Variants in DNAH5 observed in about 807,000 individuals in gnomAD.
DNAH5 encodes axonemal beta dynein heavy chain 5.
In DNAH5, 372 loss-of-function variants were observed where a neutral mutation model predicts 518.2. The ratio of observed to expected loss-of-function variants is 0.72; its 90% CI spans 0.66 to 0.78. The LOEUF (loss-of-function observed/expected upper bound fraction) is 0.78. DNAH5 is among the 30% of genes least tolerant of loss of function. The pLI, the probability that DNAH5 is intolerant of heterozygous loss-of-function variation, is 0.00. For synonymous variants in DNAH5, 2,039 were observed against 2,025.9 expected, an observed-to-expected ratio of 1.01 and a Z score of -0.17; for missense variants, 5,523 against 5,687.0, an observed-to-expected ratio of 0.97 and a Z score of 0.93.
chr5:13,776,539 C>CA lies in DNAH5; in HGVS notation c.9272dup (p.Glu3093GlyfsTer20), dbSNP rs1754111448. 1 of 1,613,804 alleles carries CA rather than the reference C, an allele frequency of 6.2e-7. No homozygotes were observed. The highest frequency in any genetic ancestry group is 8.5e-7 in the Non-Finnish European group (1 of 1,179,864). On this transcript the variant is annotated frameshift_variant, in exon 55 of 79. Coordinates refer to ENST00000265104, the MANE Select transcript of DNAH5 (RefSeq NM_001369.3). LOFTEE classifies it high-confidence loss of function. Reference sequence around the variant, plus strand: ...AAGCTCTGTTTCGAAATTTCTCCCCCACTGGCGAGAAGCAGAGCACAATAT... The same window carrying CA: ...AAGCTCTGTTTCGAAATTTCTCCCCCAACTGGCGAGAAGCAGAGCACAATAT...
intron 21 of DNAH5, 99 bp from the exon 22 acceptor site, chr5:13,876,916 G>A (rs751405364): frequency 7.5e-6 from 9 of 1,204,884 alleles, no homozygotes; most frequent in Non-Finnish European, 1.1e-5. Flanking sequence ...AAGGACTTCT[G>A]AAAATCTTCT....
In DNAH5 at chr5:13,811,722, T is replaced by G; in HGVS notation, c.7332A>C (p.Glu2444Asp). The change falls in exon 44 of 79, where the codon GAA becomes GAC. Residue 2444 changes from glutamate to aspartate, a missense_variant. Coordinates refer to ENST00000265104, the MANE Select transcript of DNAH5 (RefSeq NM_001369.3). ...AGGCCTCCAGCACCTCCATCTTGTA[T>G]TCTAAGTTCTGGATACAGAAGCGAT... ...DLYRFCIQNLEYKMEVLEAFV... is the reference protein window; with the variant it reads ...DLYRFCIQNLDYKMEVLEAFV... 1 of 1,614,174 alleles carries G rather than the reference T, an allele frequency of 6.2e-7. No individual in the cohort carries two copies. The highest frequency in any genetic ancestry group is 1.1e-5 in the South Asian group (1 of 91,082).
At chr5:13,715,202 C>A (rs929043486) in intron 74 of DNAH5, among the ~76,000 whole-genome samples, 1 of 152,016 alleles carries the variant, frequency 6.6e-6, no homozygotes, top group Non-Finnish European at 1.5e-5. Context: ...GATCCCCCAA[C>A]GGTTTGAAAA....
Position 13,691,957 on chromosome 5 carries a change from G to A in DNAH5, c.*27C>T. The A allele has an allele frequency of 6.2e-7, 1 of 1,613,852 alleles. No homozygotes were observed. Among genetic ancestry groups the A allele is most frequent in the Non-Finnish European group, 8.5e-7 (1 of 1,179,786 alleles). ...TAATTTAGATCTTGCATTTTCCAAAGCATTGGGTGGGGACACTCCCCACAT... is the reference window on the plus strand; with the variant it reads ...TAATTTAGATCTTGCATTTTCCAAAACATTGGGTGGGGACACTCCCCACAT... On this transcript the variant is annotated 3_prime_UTR_variant, in exon 79 of 79. Transcript: ENST00000265104.
At chr5:13,949,818 C>T (rs182773635) in intron 1 of DNAH5, among the ~76,000 whole-genome samples, 10 of 152,334 alleles carry the variant, frequency 6.6e-5, no homozygotes, top group African/African-American at 1.4e-4. Flanking sequence ...GGTAACACTT[C>T]CACATACCTG....
Position 13,809,090 on chromosome 5 carries a change from T to A in DNAH5, c.7706A>T (p.Asn2569Ile), listed in dbSNP as rs1415810526. 1.9e-6 allele frequency: 3 copies of A among 1,614,098 alleles called. No homozygotes were observed. The highest frequency in any genetic ancestry group is 2.5e-6 in the Non-Finnish European group (3 of 1,180,048). ...TTGAATTAGAAAGTCAGTCCTCACATTGTCAACATTTGGCACCAGAATAGA... is the reference window on the plus strand; with the variant it reads ...TTGAATTAGAAAGTCAGTCCTCACAATGTCAACATTTGGCACCAGAATAGA... The part of the protein sequence containing the change: ...YGSILVPNVD[N>I]VRTDFLIQTI... Residue 2569 changes from asparagine to isoleucine, a missense_variant, in exon 46 of 79, where the codon AAT (asparagine) becomes ATT (isoleucine). Transcript: ENST00000265104.
At chr5:13,895,925 C>G (rs2151954984) in intron 15 of DNAH5, among the ~76,000 whole-genome samples, 1 of 152,182 alleles carries the variant, frequency 6.6e-6, no homozygotes, top group Admixed American at 6.5e-5. Flanking sequence ...CTTGATTCCT[C>G]TTTCACTCAC....
intron 1 of DNAH5, among the ~76,000 whole-genome samples, chr5:13,966,162 A>T (rs762945676): frequency 6.6e-6 from 1 of 152,082 alleles, no homozygotes; most frequent in East Asian, 1.9e-4. Context: ...TGCAAATGCC[A>T]TTATTTTGTT....
chr5:13,764,433 C>T (rs891329914), intron 59 of DNAH5, among the ~76,000 whole-genome samples: 1 of 152,136 alleles, frequency 6.6e-6, no homozygotes, highest in Non-Finnish European at 1.5e-5. Flanking sequence ...GGACAAGCAA[C>T]TCCAACAGGC....
chr5:13,979,926 G>A (rs139877146), intron 1 of DNAH5, among the ~76,000 whole-genome samples: 1,813 of 146,492 alleles, frequency 0.012, 34 homozygotes, highest in African/African-American at 0.043. Flanking sequence ...TGCAACCTCC[G>A]CCTCCTTGGT....
At chr5:13,726,132 T>C (rs528649244) in intron 70 of DNAH5, among the ~76,000 whole-genome samples, 1 of 152,354 alleles carries the variant, frequency 6.6e-6, no homozygotes, top group African/African-American at 2.4e-5. Context: ...ATCTACATTG[T>C]AGACCTACTA....
chr5:13,999,777 T>G (rs749401060), intron 1 of DNAH5, among the ~76,000 whole-genome samples: 1 of 152,252 alleles, frequency 6.6e-6, no homozygotes, highest in Non-Finnish European at 1.5e-5. Flanking sequence ...ATACTGTCTT[T>G]GGTAGCAACT....
At position 13,735,878 on chromosome 5, in the gene DNAH5, T is replaced by C; in HGVS notation, c.11510A>G (p.Asn3837Ser). 3.1e-6 allele frequency: 5 copies of C among 1,614,124 alleles called. No individual in the cohort carries two copies. Among genetic ancestry groups the C allele is most frequent in the Non-Finnish European group, 4.2e-6 (5 of 1,180,002 alleles). Residue 3837 changes from asparagine (N) to serine (S), a missense_variant, in exon 67 of 79, where the codon AAT becomes AGT. Coordinates refer to ENST00000265104, the MANE Select transcript of DNAH5 (RefSeq NM_001369.3). ...YFLITEMRLV[N>S]EMYQTSLRQF... is the part of the protein sequence containing the mutation. ...GCGAAGCGAAGTCTGATACATCTCA[T>C]TAACCAAGCGCATCTCAGTAATGAG...
chr5:13,852,566 G>C (rs1767033692), intron 30 of DNAH5, among the ~76,000 whole-genome samples: 1 of 152,146 alleles, frequency 6.6e-6, no homozygotes, highest in South Asian at 2.1e-4. Flanking sequence ...TAGCCAGGTG[G>C]TCTTGCTCAG....
Position 13,792,099 on chromosome 5 carries a change from C to A in DNAH5, c.8343G>T (p.Met2781Ile), listed in dbSNP as rs765892530. 6.2e-7 allele frequency: 1 copy of A among 1,613,876 alleles called. No individual in the cohort carries two copies. Among genetic ancestry groups the A allele is most frequent in the African/African-American group, 1.3e-5 (1 of 74,892 alleles). ...RRLWQMTKIK[M>I]LPTPAKFHYV... ...AATGGAATTTTGCAGGGGTAGGAAG[C>A]ATTTTAATCTTGGTCATCTGCCATA... The change falls in exon 50 of 79, where the codon ATG (methionine) becomes ATT (isoleucine). Residue 2781 changes from methionine (M) to isoleucine (I), a missense_variant. Physicochemically the swap from Met to Ile is conservative, Grantham distance 10. Coordinates refer to ENST00000265104, the MANE Select transcript of DNAH5 (RefSeq NM_001369.3).
At chr5:13,933,271 C>T (rs1215960130) in intron 1 of DNAH5, among the ~76,000 whole-genome samples, 1 of 152,174 alleles carries the variant, frequency 6.6e-6, no homozygotes, top group Non-Finnish European at 1.5e-5. Context: ...TGGAGTTGTG[C>T]AGTACAGAAC....
chr5:13,991,644 G>A (rs1254164746), intron 1 of DNAH5, among the ~76,000 whole-genome samples: 3 of 151,920 alleles, frequency 2.0e-5, no homozygotes, highest in Admixed American at 2.0e-4. Context: ...TGAGGAAGGA[G>A]TCAGGAGGAA....
Position 13,753,257 on chromosome 5 carries a change from A to G in DNAH5, c.10848T>C (p.Asn3616=), listed in dbSNP as rs371211976. 6 of 1,613,884 alleles carry G rather than the reference A, an allele frequency of 3.7e-6. No individual in the cohort carries two copies. In the African/African-American group the frequency reaches 6.7e-5, roughly 18 times the overall value. Residue 3616 remains asparagine (N), a synonymous_variant, in exon 63 of 79, where the codon AAT becomes AAC. Coordinates refer to ENST00000265104, the MANE Select transcript of DNAH5 (RefSeq NM_001369.3). The part of the protein sequence containing the change: ...PQTQGKIWIK[N]KESRNELQIT... ...CCTGGAGTTCATTTCGGCTTTCTTTATTTTTAATCCAGATCTTGCCTTGAG... is the reference window on the plus strand; with the variant it reads ...CCTGGAGTTCATTTCGGCTTTCTTTGTTTTTAATCCAGATCTTGCCTTGAG...
intron 47 of DNAH5, among the ~76,000 whole-genome samples, chr5:13,806,198 C>T (rs1759555721): frequency 6.6e-6 from 1 of 152,090 alleles, no homozygotes; most frequent in Non-Finnish European, 1.5e-5. Context: ...ATAACGTTAG[C>T]ATCTTGCCAG....
Sources: gnomAD v4.1 joint callset for allele counts (sites outside exome capture counted in the v4.1 genomes callset) on GRCh38, gnomAD v4.1.1 for gene constraint, MANE v1.5 for transcripts, NCBI Gene and HGNC (gene_info 2026-07-23, HGNC 2026-07-21) for gene names.